MRPS27: variants seen among roughly 807,000 people sequenced by gnomAD.
MRPS27 encodes the protein small ribosomal subunit protein mS27.
A neutral mutation model predicts 48.9 loss-of-function variants in MRPS27; 43 were observed. That is an observed-to-expected ratio of 0.88 (90% CI 0.69 to 1.13). The LOEUF (loss-of-function observed/expected upper bound fraction) is 1.13. Ranked by LOEUF, MRPS27 falls within the 50% of genes most tolerant of loss-of-function variation. MRPS27 has a pLI of 0.00. For missense variants in MRPS27, 467 were observed against 476.3 expected (o/e 0.98, Z 0.18); for synonymous variants, 188 against 171.9 (o/e 1.09, Z -0.73).
intron 4 of MRPS27, among the ~76,000 whole-genome samples, chr5:72,261,209 T>G (rs1009422766): frequency 6.6e-6 from 1 of 152,198 alleles, no homozygotes; most frequent in Admixed American, 6.5e-5. Flanking sequence ...TGAAAGTTGC[T>G]ACATTGGTGT....
chr5:72,268,581 G>A (rs771091595), intron 4 of MRPS27, among the ~76,000 whole-genome samples: 2 of 152,188 alleles, frequency 1.3e-5, no homozygotes, highest in Non-Finnish European at 2.9e-5. Context: ...TGGGAAATAA[G>A]TGCTCCTTCA....
chr5:72,237,281 C>G (rs142808247), intron 5 of MRPS27, among the ~76,000 whole-genome samples: 91 of 152,220 alleles, frequency 6.0e-4, no homozygotes, highest in African/African-American at 2.2e-3. Context: ...TATCCACTAT[C>G]AATAACCAAT....
At chr5:72,298,729 A>C (rs6893354) in intron 2 of MRPS27, among the ~76,000 whole-genome samples, 7,273 of 148,792 alleles carry the variant, frequency 0.049, 728 homozygotes, top group African/African-American at 0.17. Flanking sequence ...AAAAACAAAA[A>C]AAAAAAAAAC....
At chr5:72,246,809 T>C (rs1463639067) in intron 4 of MRPS27, among the ~76,000 whole-genome samples, 1 of 152,220 alleles carries the variant, frequency 6.6e-6, no homozygotes, top group Non-Finnish European at 1.5e-5. Flanking sequence ...TTCCCCAAGA[T>C]AGTTAGCAAT....
chr5:72,258,812 T>C (rs1748884743), intron 4 of MRPS27, among the ~76,000 whole-genome samples: 1 of 152,186 alleles, frequency 6.6e-6, no homozygotes, highest in Middle Eastern at 3.2e-3. Context: ...TCAGGCATTC[T>C]GTTATAGCAG....
At chr5:72,276,206 C>T (rs568477620) in intron 4 of MRPS27, among the ~76,000 whole-genome samples, 5 of 152,126 alleles carry the variant, frequency 3.3e-5, no homozygotes, top group Non-Finnish European at 7.3e-5. Context: ...AGTACTGGTA[C>T]AAAAACAGAC....
chr5:72,306,474 C>A (rs1447995466), intron 2 of MRPS27, among the ~76,000 whole-genome samples: 1 of 152,144 alleles, frequency 6.6e-6, no homozygotes, highest in Non-Finnish European at 1.5e-5. Context: ...GGCAGAGGAG[C>A]ACGCTAAACA....
rs373681472 is a variant in MRPS27 at position 72,238,134 on chromosome 5, T to C, written c.282-6A>G. 6.9e-6 allele frequency: 11 copies of C among 1,602,322 alleles called. No homozygotes were observed. Among genetic ancestry groups the C allele is most frequent in the African/African-American group, 6.7e-5 (5 of 74,726 alleles). ...AGTTGGGGCTGTGTCGAAACCTAAA[T>C]AAGCACAAGAAGAGAGAAAACTGGT... On this transcript the variant is annotated splice_region_variant and splice_polypyrimidine_tract_variant and intron_variant, in intron 4 of 10. Coordinates refer to ENST00000261413, the MANE Select transcript of MRPS27 (RefSeq NM_015084.3).
intron 1 of MRPS27, among the ~76,000 whole-genome samples, chr5:72,315,409 T>C (rs1750539959): frequency 6.6e-6 from 1 of 151,630 alleles, no homozygotes; most frequent in South Asian, 2.1e-4. Flanking sequence ...ACACAAAAAT[T>C]AGCCAGCCAT....
chr5:72,251,316 C>T (rs1748658799), intron 4 of MRPS27, among the ~76,000 whole-genome samples: 1 of 152,150 alleles, frequency 6.6e-6, no homozygotes, highest in South Asian at 2.1e-4. Context: ...GGAAAGGGGA[C>T]AACAGAGAGG....
rs1009669105 is a variant in MRPS27 at position 72,307,037 on chromosome 5, T to TA, written c.151+7043dup. Among the ~76,000 whole-genome samples, 66 of 147,144 alleles carry TA rather than the reference T, an allele frequency of 4.5e-4. 1 individual carries two copies. In the Middle Eastern group the frequency reaches 0.014, roughly 31 times the overall value. Reference sequence around the variant, plus strand: ...TTTGAATCCTGATTCAACCAAATCATAAAAAAAAAAATTTGAGAGTATCAG... The same window carrying TA: ...TTTGAATCCTGATTCAACCAAATCATAAAAAAAAAAAATTTGAGAGTATCAG... On this transcript the variant is annotated intron_variant, in intron 2 of 10. Coordinates refer to ENST00000261413, the MANE Select transcript of MRPS27 (RefSeq NM_015084.3).
chr5:72,250,526 C>T (rs1716007501), intron 4 of MRPS27, among the ~76,000 whole-genome samples: 1 of 152,174 alleles, frequency 6.6e-6, no homozygotes, highest in Admixed American at 6.5e-5. Context: ...AAACTAATTG[C>T]ACTGCCACCA....
At chr5:72,287,784 T>G (rs1749712552) in intron 4 of MRPS27, among the ~76,000 whole-genome samples, 1 of 152,242 alleles carries the variant, frequency 6.6e-6, no homozygotes, top group African/African-American at 2.4e-5. Context: ...TTGGCACAAA[T>G]GTGGAGGAAG....
chr5:72,274,440 C>T (rs1222123530), intron 4 of MRPS27, among the ~76,000 whole-genome samples: 1 of 152,182 alleles, frequency 6.6e-6, no homozygotes, highest in Non-Finnish European at 1.5e-5. Context: ...CTGTCTTCCA[C>T]CTCCACATCT....
At chr5:72,242,058 A>G (rs993762787) in intron 4 of MRPS27, among the ~76,000 whole-genome samples, 3 of 152,206 alleles carry the variant, frequency 2.0e-5, no homozygotes, top group Non-Finnish European at 4.4e-5. Flanking sequence ...TTCTTGGAGG[A>G]GCATAAGAAA....
intron 5 of MRPS27, among the ~76,000 whole-genome samples, 166 bp from the exon 6 acceptor site, chr5:72,234,363 G>A (rs1471750901): frequency 2.0e-5 from 3 of 152,070 alleles, no homozygotes; most frequent in African/African-American, 4.8e-5. Context: ...CATGACTCAT[G>A]AGGTTTGGTA....
intron 4 of MRPS27, among the ~76,000 whole-genome samples, chr5:72,243,515 T>C (rs114237604): frequency 0.015 from 2,302 of 152,254 alleles, 62 homozygotes; most frequent in African/African-American, 0.051. Flanking sequence ...AATACAGAAA[T>C]CGATAATAAA....
chr5:72,255,381 T>C (rs1180189130), intron 4 of MRPS27, among the ~76,000 whole-genome samples: 1 of 152,114 alleles, frequency 6.6e-6, no homozygotes, highest in African/African-American at 2.4e-5. Context: ...ACATTCAATA[T>C]AAACAAATAC....
At chr5:72,316,261 C>T (rs1750560744) in intron 1 of MRPS27, among the ~76,000 whole-genome samples, 1 of 152,192 alleles carries the variant, frequency 6.6e-6, no homozygotes, top group African/African-American at 2.4e-5. Context: ...TGCAAATGGG[C>T]ATGGAATTTC....
Sources: allele counts gnomAD v4.1 joint callset (sites outside exome capture counted in the v4.1 genomes callset), GRCh38; gene constraint gnomAD v4.1.1; transcripts MANE v1.5; gene names NCBI Gene and HGNC (gene_info 2026-07-23, HGNC 2026-07-21).